GRXCR1: variants seen among roughly 807,000 people sequenced by gnomAD.
The protein encoded by GRXCR1 is glutaredoxin and cysteine rich domain containing 1.
Under a neutral mutation model 27.3 loss-of-function variants are expected in GRXCR1, and 27 were observed. The observed-to-expected ratio is 0.99, with a 90% CI of 0.73 to 1.37. The LOEUF is 1.37. GRXCR1 is among the 40% of genes most tolerant of loss of function. The pLI is 0.00. For synonymous variants in GRXCR1, 122 were observed against 131.1 expected, an observed-to-expected ratio of 0.93 and a Z score of 0.47; for missense variants, 379 against 354.4, an observed-to-expected ratio of 1.07 and a Z score of -0.56.
intron 2 of GRXCR1, among the ~76,000 whole-genome samples, chr4:43,004,075 GC>G (rs1216442004): frequency 1.1e-4 from 16 of 152,242 alleles, no homozygotes; most frequent in African/African-American, 3.9e-4. Flanking sequence ...GGACCCCACT[GC>G]TCTGTGCAGC....
At chr4:43,023,201 G>T (rs968088167) in intron 3 of GRXCR1, among the ~76,000 whole-genome samples, 1 of 152,158 alleles carries the variant, frequency 6.6e-6, no homozygotes, top group Admixed American at 6.5e-5. Context: ...AATAGGCTGG[G>T]TTTTGACACA....
intron 2 of GRXCR1, among the ~76,000 whole-genome samples, chr4:42,984,848 C>T (rs193111820): frequency 6.0e-4 from 92 of 152,282 alleles, no homozygotes; most frequent in Admixed American, 2.5e-3. Context: ...ATAGGCCAAA[C>T]GCTTGGGACT....
rs199997343 is a variant in GRXCR1 at position 42,903,478 on chromosome 4, A to AT, written c.384+9834dup. Among the ~76,000 whole-genome samples, 1,091 of 145,866 alleles carry AT rather than the reference A, an allele frequency of 7.5e-3. 125 individuals are homozygous for AT. Among genetic ancestry groups the AT allele is most frequent in the East Asian group, 0.067 (274 of 4,114 alleles). On this transcript the variant is annotated intron_variant, in intron 1 of 3. Coordinates refer to ENST00000399770, the MANE Select transcript of GRXCR1 (RefSeq NM_001080476.3). Reference sequence around the variant, plus strand: ...AGGCACCCACCACCACGCCAGGCTAATTTTTTGTATTTTTTAGTAGAAATG... The same window carrying AT: ...AGGCACCCACCACCACGCCAGGCTAATTTTTTTGTATTTTTTAGTAGAAATG...
chr4:42,967,723 AC>A (rs1748279828), intron 2 of GRXCR1, among the ~76,000 whole-genome samples: 1 of 152,082 alleles, frequency 6.6e-6, no homozygotes, highest in Non-Finnish European at 1.5e-5. Context: ...AATTTTTTAT[AC>A]CTATACATAT....
intron 1 of GRXCR1, among the ~76,000 whole-genome samples, chr4:42,921,243 C>T (rs1360788497): frequency 4.6e-5 from 7 of 152,032 alleles, no homozygotes; most frequent in Non-Finnish European, 8.8e-5. Context: ...AGTAACGGTC[C>T]CTCACCACAC....
At chr4:42,974,072 G>A (rs577304045) in intron 2 of GRXCR1, among the ~76,000 whole-genome samples, 1 of 152,264 alleles carries the variant, frequency 6.6e-6, no homozygotes, top group South Asian at 2.1e-4. Context: ...ATTGCACTGA[G>A]ACAGCAGGGT....
At chr4:43,003,216 G>A (rs1712436579) in intron 2 of GRXCR1, among the ~76,000 whole-genome samples, 1 of 152,114 alleles carries the variant, frequency 6.6e-6, no homozygotes, top group Non-Finnish European at 1.5e-5. Context: ...ATAGAAGTGT[G>A]AGAATGCAGC....
intron 3 of GRXCR1, among the ~76,000 whole-genome samples, chr4:43,023,624 G>C (rs145578897): frequency 6.0e-4 from 92 of 152,318 alleles, no homozygotes; most frequent in Non-Finnish European, 1.1e-3. Flanking sequence ...TGAAATGACA[G>C]TTTGCAGGTA....
chr4:42,945,902 C>T (rs947237383), intron 1 of GRXCR1, among the ~76,000 whole-genome samples: 8 of 152,070 alleles, frequency 5.3e-5, no homozygotes, highest in African/African-American at 1.4e-4. Context: ...CTTAAACTAC[C>T]GCATTATTTC....
chr4:42,910,193 A>G (rs959996477), intron 1 of GRXCR1, among the ~76,000 whole-genome samples: 4 of 152,080 alleles, frequency 2.6e-5, no homozygotes, highest in Non-Finnish European at 5.9e-5. Flanking sequence ...CATGGGGGAA[A>G]CCACCCCCAA....
chr4:43,017,633 G>A (rs1286521376), intron 2 of GRXCR1, among the ~76,000 whole-genome samples: 1 of 152,116 alleles, frequency 6.6e-6, no homozygotes, highest in Non-Finnish European at 1.5e-5. Context: ...AAATATGGAA[G>A]AAATATTTCC....
At chr4:42,926,693 G>A (rs1287107318) in intron 1 of GRXCR1, among the ~76,000 whole-genome samples, 1 of 151,832 alleles carries the variant, frequency 6.6e-6, no homozygotes, top group Non-Finnish European at 1.5e-5. Context: ...ACCAAAACCT[G>A]TAGCTGACTT....
intron 1 of GRXCR1, among the ~76,000 whole-genome samples, chr4:42,916,140 C>T (rs147282138): frequency 4.9e-4 from 73 of 148,140 alleles, no homozygotes; most frequent in African/African-American, 1.7e-3. Context: ...TTTTGTAAAA[C>T]AGAAAGTTAT....
intron 1 of GRXCR1, among the ~76,000 whole-genome samples, chr4:42,928,473 T>A (rs1054100666): frequency 6.6e-6 from 1 of 151,960 alleles, no homozygotes; most frequent in African/African-American, 2.4e-5. Flanking sequence ...CAGGGGATAA[T>A]CATAACTTTT....
chr4:42,923,860 C>T (rs1747080971), intron 1 of GRXCR1, among the ~76,000 whole-genome samples: 1 of 152,192 alleles, frequency 6.6e-6, no homozygotes, highest in African/African-American at 2.4e-5. Flanking sequence ...TACTTTCACC[C>T]TATTCCCTTT....
intron 1 of GRXCR1, among the ~76,000 whole-genome samples, chr4:42,936,440 T>A (rs56782396): frequency 0.013 from 2,018 of 152,020 alleles, 36 homozygotes; most frequent in African/African-American, 0.046. Context: ...AAGAATTTTT[T>A]ATTTTAGAAT....
At chr4:43,009,775 T>C (rs1712679958) in intron 2 of GRXCR1, among the ~76,000 whole-genome samples, 2 of 152,118 alleles carry the variant, frequency 1.3e-5, no homozygotes, top group African/African-American at 4.8e-5. Context: ...CCACCTACTA[T>C]AGTGTCACAT....
At chr4:43,007,811 A>G (rs1049014112) in intron 2 of GRXCR1, among the ~76,000 whole-genome samples, 1 of 152,216 alleles carries the variant, frequency 6.6e-6, no homozygotes, top group Non-Finnish European at 1.5e-5. Flanking sequence ...TTTCCATGTG[A>G]GAGTTTTTGC....
At chr4:43,013,473 G>A (rs1278008108) in intron 2 of GRXCR1, among the ~76,000 whole-genome samples, 2 of 152,070 alleles carry the variant, frequency 1.3e-5, no homozygotes, top group Non-Finnish European at 2.9e-5. Flanking sequence ...GACAACTGGG[G>A]CCTATTAGAG....
Sources: allele counts gnomAD v4.1 joint callset (sites outside exome capture counted in the v4.1 genomes callset), GRCh38; gene constraint gnomAD v4.1.1; transcripts MANE v1.5; gene names NCBI Gene and HGNC (gene_info 2026-07-23, HGNC 2026-07-21).